Variants in VPS33B observed in about 807,000 individuals in gnomAD.
VPS33B encodes VPS33B late endosome and lysosome associated, also known as vacuolar protein sorting-associated protein 33B.
A neutral mutation model predicts 95.3 loss-of-function variants in VPS33B; 80 were observed. The ratio of observed to expected loss-of-function variants is 0.84; its 90% CI spans 0.70 to 1.01. The LOEUF is 1.01. Ranked by LOEUF, VPS33B falls within the 50% of genes least tolerant of loss-of-function variation. The pLI, the probability that VPS33B is intolerant of heterozygous loss-of-function variation, is 0.00. For synonymous variants in VPS33B, 280 were observed against 280.4 expected (o/e 1.00, Z 0.01); for missense variants, 715 against 773.4 (o/e 0.92, Z 0.90).
chr15:91,009,853 G>A lies in VPS33B; in HGVS notation c.358-7C>T, dbSNP rs1302612996. ...CCATCTCACACGCATAGAACTGAAA[G>A]AGAAAAGGAAATTGATTAGTAACTA... On this transcript the variant is annotated splice_polypyrimidine_tract_variant and splice_region_variant and intron_variant, in intron 5 of 22. Coordinates refer to ENST00000333371, the MANE Select transcript of VPS33B (RefSeq NM_018668.5). This position sits in a 1 kb window ranked among gnomAD's most constrained non-coding sequence, Gnocchi z 4.1. 5.6e-6 allele frequency: 9 copies of A among 1,614,090 alleles called. No homozygotes were observed. Among genetic ancestry groups the A allele is most frequent in the Admixed American group, 1.7e-5 (1 of 60,014 alleles).
At position 91,017,886 on chromosome 15, in the gene VPS33B, C is replaced by G. The variant is rs749693052; in HGVS notation, c.97-1G>C. 8.7e-6 allele frequency: 14 copies of G among 1,614,026 alleles called. No homozygotes were observed. The highest frequency in any genetic ancestry group is 1.2e-5 in the Non-Finnish European group (14 of 1,179,944). ...TGAATAAATCCTTTTTTCCAGGAAGCTGAAGGAGACACAATATGTTGGGTC... is the reference window on the plus strand; with the variant it reads ...TGAATAAATCCTTTTTTCCAGGAAGGTGAAGGAGACACAATATGTTGGGTC... On this transcript the variant is annotated splice_acceptor_variant, in intron 1 of 22. Coordinates refer to ENST00000333371, the MANE Select transcript of VPS33B (RefSeq NM_018668.5). LOFTEE classifies it high-confidence loss of function.
At chr15:91,021,637 T>G (rs1488180856) in intron 1 of VPS33B, among the ~76,000 whole-genome samples, 2 of 152,228 alleles carry the variant, frequency 1.3e-5, no homozygotes, top group African/African-American at 4.8e-5. Flanking sequence ...TGCCTTGTCT[T>G]TCCCTGGTTT....
At chr15:91,020,880 C>T (rs1175512911) in intron 1 of VPS33B, among the ~76,000 whole-genome samples, 2 of 151,930 alleles carry the variant, frequency 1.3e-5, no homozygotes, top group Non-Finnish European at 2.9e-5. Flanking sequence ...GACTGTGTCT[C>T]AAAAAAATAA....
intron 1 of VPS33B, 31 bp downstream of exon 1, chr15:91,022,123 G>C (rs1213036993): frequency 1.6e-5 from 25 of 1,551,506 alleles, no homozygotes; most frequent in Non-Finnish European, 2.2e-5. Context: ...CTAAACTGTA[G>C]ATGCGATAAA....
Position 90,999,455 on chromosome 15 carries a change from A to G in VPS33B, c.1774+222T>C. 1.7e-6 allele frequency: 1 copy of G among 596,310 alleles called. No individual in the cohort carries two copies. Among genetic ancestry groups the G allele is most frequent in the Non-Finnish European group, 3.1e-6 (1 of 327,058 alleles). The allele number at this position is 596,310 out of a possible 1,614,324, so 36.9% of individuals were successfully genotyped here. On this transcript the variant is annotated intron_variant, in intron 22 of 22. Coordinates refer to ENST00000333371, the MANE Select transcript of VPS33B (RefSeq NM_018668.5). This position sits in a 1 kb window ranked among gnomAD's most constrained non-coding sequence, Gnocchi z 5.1. The stretch of plus-strand genomic sequence containing the variant: ...TGCCTCAGCCTCCCGAGTAGTTAGC[A>G]TTACAGGCACCGGCCACCATGCCTG...
rs2040912818 is a variant in VPS33B, at chr15:91,015,988, A to C, written c.239+975T>G. Among the ~76,000 whole-genome samples the C allele has an allele frequency of 6.6e-6, 1 of 152,242 alleles. No homozygotes were observed. The highest frequency in any genetic ancestry group is 2.1e-4 in the South Asian group (1 of 4,830). On this transcript the variant is annotated intron_variant, in intron 3 of 22. Coordinates refer to ENST00000333371, the MANE Select transcript of VPS33B (RefSeq NM_018668.5). This position sits in a 1 kb window ranked among gnomAD's most constrained non-coding sequence, Gnocchi z 4.7. ...TTAATTAAGTTTCAGAAATACTTTAAAATCAAGACAACAGCTGTACATGAC... is the reference window on the plus strand; with the variant it reads ...TTAATTAAGTTTCAGAAATACTTTACAATCAAGACAACAGCTGTACATGAC...
At chr15:91,014,339 G>T (rs1192584416) in intron 4 of VPS33B, 45 bp downstream of exon 4, 1 of 1,604,214 alleles carries the variant, frequency 6.2e-7, no homozygotes, top group Admixed American at 1.7e-5. Flanking sequence ...CTTAGATTTT[G>T]CCCGCCCTTT....
Position 91,007,776 on chromosome 15 carries a change from C to T in VPS33B, c.498+94G>A, listed in dbSNP as rs1214142334. 72 of 1,301,976 alleles carry T rather than the reference C, an allele frequency of 5.5e-5. No individual in the cohort carries two copies. The highest frequency in any genetic ancestry group is 1.8e-4 in the Middle Eastern group (1 of 5,518). The allele number at this position is 1,301,976 out of a possible 1,614,324, so 80.7% of individuals were successfully genotyped here. On this transcript the variant is annotated intron_variant, in intron 7 of 22. Transcript: ENST00000333371. The surrounding 1 kb of genome is among the most constrained non-coding windows in gnomAD (Gnocchi z 5.3). ...ACTATCACTTGTGATAAATTACTTGCGTTGGACAAAGGTTATATTGGTATT... is the reference window on the plus strand; with the variant it reads ...ACTATCACTTGTGATAAATTACTTGTGTTGGACAAAGGTTATATTGGTATT...
At chr15:91,021,611 G>A (rs1365450099) in intron 1 of VPS33B, among the ~76,000 whole-genome samples, 1 of 152,108 alleles carries the variant, frequency 6.6e-6, no homozygotes, top group Non-Finnish European at 1.5e-5. Flanking sequence ...ACTGCTGATG[G>A]GTGTCTTCCC....
rs1596350595 is a variant in VPS33B at position 91,001,461 on chromosome 15, T to G, written c.1407A>C (p.Gly469=). Residue 469 remains glycine, a splice_region_variant and synonymous_variant, in exon 19 of 23, where the codon GGA becomes GGC. Transcript: ENST00000333371. ...VSKLVTDKAA[G]KITDAFSSLA... ...GAGAACTGAAGGCATCAGTAATCTT[T>G]CCTGGGGAAGAAATCTGTGTCAGGT... The G allele has an allele frequency of 1.2e-6, 2 of 1,613,920 alleles. No homozygotes were observed. The highest frequency in any genetic ancestry group is 3.3e-5 in the Admixed American group (2 of 60,006).
intron 16 of VPS33B, among the ~76,000 whole-genome samples, chr15:91,004,310 C>T (rs2040534420): frequency 6.6e-6 from 1 of 151,790 alleles, no homozygotes; most frequent in Non-Finnish European, 1.5e-5. Context: ...AAACAAGTTG[C>T]CATGAAGGTT....
Position 91,006,431 on chromosome 15 carries a change from C to G in VPS33B, c.793G>C (p.Gly265Arg). ...FRIKCGSVDF[G>R]PEVTSSDKSL... ...TTGTCAGAGGATGTGACTTCTGGGC[C>G]AAAGTCGACACTCCCTTTGAGAGCA... The change falls in exon 11 of 23, where the codon GGC (glycine) becomes CGC (arginine). Residue 265 changes from glycine (G) to arginine (R), a missense_variant. By Grantham distance (125) the Gly-to-Arg change is moderately radical. Coordinates refer to ENST00000333371, the MANE Select transcript of VPS33B (RefSeq NM_018668.5). The surrounding 1 kb of genome is among the most constrained non-coding windows in gnomAD (Gnocchi z 5.4). 1 of 1,614,194 alleles carries G rather than the reference C, an allele frequency of 6.2e-7. No individual in the cohort carries two copies. The highest frequency in any genetic ancestry group is 8.5e-7 in the Non-Finnish European group (1 of 1,180,042).
intron 6 of VPS33B, among the ~76,000 whole-genome samples, chr15:91,008,945 G>A (rs1360504914): frequency 2.0e-5 from 3 of 152,120 alleles, no homozygotes; most frequent in African/African-American, 2.4e-5. Flanking sequence ...GGAGGGTGGC[G>A]AGTCAGGAGA....
chr15:91,001,952 C>T, intron 18 of VPS33B, 98 bp downstream of exon 18: 1 of 1,587,612 alleles, frequency 6.3e-7, no homozygotes, highest in Non-Finnish European at 8.6e-7. Context: ...AGGAATCAGT[C>T]CACCTTCTCC....
In VPS33B at chr15:91,014,413, G is replaced by C; in HGVS notation, c.260C>G (p.Pro87Arg). The C allele has an allele frequency of 6.2e-7, 1 of 1,613,766 alleles. No homozygotes were observed. Among genetic ancestry groups the C allele is most frequent in the Non-Finnish European group, 8.5e-7 (1 of 1,179,970 alleles). ...SNEQLCFLVR[P>R]RIKNMRYIAS... Reference sequence around the variant, plus strand: ...AATGTATCGCATATTCTTGATGCGGGGTCTGACCAAGAAGCACAATCTATG... The same window carrying C: ...AATGTATCGCATATTCTTGATGCGGCGTCTGACCAAGAAGCACAATCTATG... Residue 87 changes from proline to arginine, a missense_variant, in exon 4 of 23, where the codon CCC (proline) becomes CGC (arginine). By Grantham distance (103) the Pro-to-Arg change is moderately radical (BLOSUM62 -2). Coordinates refer to ENST00000333371, the MANE Select transcript of VPS33B (RefSeq NM_018668.5).
chr15:91,006,572 A>C lies in VPS33B; in HGVS notation c.778+80T>G. On this transcript the variant is annotated intron_variant, in intron 10 of 22. Coordinates refer to ENST00000333371, the MANE Select transcript of VPS33B (RefSeq NM_018668.5). This position sits in a 1 kb window ranked among gnomAD's most constrained non-coding sequence, Gnocchi z 5.4. ...TTCATTCAGGGTCTGGGTCTCTCCC[A>C]CAAACCCTGCCCCACGTGGGAGGTG... 1 of 1,609,802 alleles carries C rather than the reference A, an allele frequency of 6.2e-7. No homozygotes were observed. The highest frequency in any genetic ancestry group is 8.5e-7 in the Non-Finnish European group (1 of 1,176,062).
chr15:91,013,195 T>A lies in VPS33B; in HGVS notation c.357+609A>T, dbSNP rs576547735. Among the ~76,000 whole-genome samples the A allele has an allele frequency of 1.3e-5, 2 of 152,354 alleles. No homozygotes were observed. The highest frequency in any genetic ancestry group is 1.3e-4 in the Admixed American group (2 of 15,306). On this transcript the variant is annotated intron_variant, in intron 5 of 22. Transcript: ENST00000333371. The surrounding 1 kb of genome is among the most constrained non-coding windows in gnomAD (Gnocchi z 4.5). ...GCGTGAAGCTTTTCATTTAAAAAAA[T>A]CTACGTAGAGGCCTCTTCGCACAAT... is the stretch of plus-strand genomic sequence containing the variant.
chr15:91,014,215 G>C (rs867947211), intron 4 of VPS33B, among the ~76,000 whole-genome samples, 169 bp downstream of exon 4: 1 of 115,158 alleles, frequency 8.7e-6, no homozygotes, highest in Non-Finnish European at 1.7e-5. Context: ...GTGAAACTCC[G>C]TCTCAAAAAA....
In VPS33B at chr15:91,009,893, C is replaced by G. The variant is rs1300166568; in HGVS notation, c.358-47G>C. The G allele has an allele frequency of 1.2e-6, 2 of 1,608,744 alleles. No homozygotes were observed. The highest frequency in any genetic ancestry group is 1.7e-6 in the Non-Finnish European group (2 of 1,175,450). On this transcript the variant is annotated intron_variant, in intron 5 of 22. Coordinates refer to ENST00000333371, the MANE Select transcript of VPS33B (RefSeq NM_018668.5). This position sits in a 1 kb window ranked among gnomAD's most constrained non-coding sequence, Gnocchi z 4.1. ...ATTAGTAACTACCTTCTTCTCTGTTCTCTCCATTTCTCTGGAGTTCCTCTG... is the reference window on the plus strand; with the variant it reads ...ATTAGTAACTACCTTCTTCTCTGTTGTCTCCATTTCTCTGGAGTTCCTCTG...
Sources: allele counts gnomAD v4.1 joint callset (sites outside exome capture counted in the v4.1 genomes callset), GRCh38; gene constraint gnomAD v4.1.1; non-coding constraint Gnocchi (gnomAD v3.1); transcripts MANE v1.5; gene names NCBI Gene and HGNC (gene_info 2026-07-23, HGNC 2026-07-21).